The following FAR2 variants were observed in gnomAD, a reference collection of about 807,000 sequenced individuals.
The protein encoded by FAR2 is fatty acyl-CoA reductase 2.
In FAR2, 19 loss-of-function variants were observed where a neutral mutation model predicts 56.0. The ratio of observed to expected loss-of-function variants is 0.34; its 90% CI spans 0.24 to 0.50. FAR2 has a LOEUF of 0.50. Ranked by LOEUF, FAR2 falls within the 20% of genes least tolerant of loss-of-function variation. The pLI is 0.98. For synonymous variants in FAR2, 219 were observed against 218.8 expected, an observed-to-expected ratio of 1.00 and a Z score of -0.01; for missense variants, 508 against 642.2, an observed-to-expected ratio of 0.79 and a Z score of 2.26.
At chr12:29,265,907 T>C (rs1591909093) in intron 1 of FAR2, among the ~76,000 whole-genome samples, 2 of 152,154 alleles carry the variant, frequency 1.3e-5, no homozygotes, top group East Asian at 3.9e-4. Context: ...AACAGGTTTA[T>C]GAAAAGGTGC....
chr12:29,271,826 T>A (rs1444731119), intron 2 of FAR2, among the ~76,000 whole-genome samples: 1 of 152,198 alleles, frequency 6.6e-6, no homozygotes, highest in African/African-American at 2.4e-5. Context: ...GCAATAACCC[T>A]GTGAAGTAAG....
intron 1 of FAR2, among the ~76,000 whole-genome samples, chr12:29,208,089 G>C (rs926810241): frequency 6.6e-6 from 1 of 152,210 alleles, no homozygotes; most frequent in Non-Finnish European, 1.5e-5. Context: ...GTCAGTTTGT[G>C]TATTAGTATT....
chr12:29,290,567 C>T (rs1385696191), intron 2 of FAR2, among the ~76,000 whole-genome samples: 1 of 152,146 alleles, frequency 6.6e-6, no homozygotes, highest in South Asian at 2.1e-4. Flanking sequence ...TGTTGCAGTA[C>T]TGCTCACACT....
At chr12:29,318,453 G>A (rs1429732202) in intron 9 of FAR2, among the ~76,000 whole-genome samples, 1 of 152,194 alleles carries the variant, frequency 6.6e-6, no homozygotes, top group East Asian at 1.9e-4. Flanking sequence ...GAGAAACACA[G>A]AAGGAAGAGA....
chr12:29,240,128 C>T (rs1341847966), intron 1 of FAR2, among the ~76,000 whole-genome samples: 1 of 152,198 alleles, frequency 6.6e-6, no homozygotes, highest in Non-Finnish European at 1.5e-5. Context: ...CTGTCGACAG[C>T]GTGGCTCATA....
rs867222542 is a variant in FAR2, at chr12:29,243,039, G to A, written c.-38-27373G>A. ...CATTTTAGCAGAGACTCAAAGGCAC[G>A]CAGGAGAGTGGGAAAGCATTATAGT... On this transcript the variant is annotated intron_variant, in intron 1 of 11. Coordinates refer to ENST00000536681, the MANE Select transcript of FAR2 (RefSeq NM_001271783.2). Among the ~76,000 whole-genome samples, 8 of 152,320 alleles carry A rather than the reference G, an allele frequency of 5.3e-5. No homozygotes were observed. In the South Asian group the frequency reaches 8.3e-4, roughly 16 times the overall value.
intron 8 of FAR2, among the ~76,000 whole-genome samples, chr12:29,314,077 T>A (rs1049779731): frequency 6.6e-6 from 1 of 152,226 alleles, no homozygotes; most frequent in Non-Finnish European, 1.5e-5. Context: ...TTAAGCATTT[T>A]TCATTTAAAT....
chr12:29,325,748 G>A (rs1280269377), intron 10 of FAR2, among the ~76,000 whole-genome samples: 1 of 151,984 alleles, frequency 6.6e-6, no homozygotes, highest in Non-Finnish European at 1.5e-5. Context: ...CACATTCAAA[G>A]CAGTGTGTAG....
intron 1 of FAR2, among the ~76,000 whole-genome samples, chr12:29,213,925 C>A (rs926621321): frequency 6.6e-6 from 1 of 152,004 alleles, no homozygotes; most frequent in African/African-American, 2.4e-5. Flanking sequence ...TGATTAGAAC[C>A]AATAATTTGT....
intron 1 of FAR2, among the ~76,000 whole-genome samples, chr12:29,189,716 A>G (rs1264439937): frequency 2.0e-5 from 3 of 152,256 alleles, no homozygotes; most frequent in Non-Finnish European, 4.4e-5. Flanking sequence ...GTACTAATAC[A>G]CTGCCACAGG....
At chr12:29,254,238 G>A (rs1355512101) in intron 1 of FAR2, among the ~76,000 whole-genome samples, 3 of 152,132 alleles carry the variant, frequency 2.0e-5, no homozygotes, top group Non-Finnish European at 4.4e-5. Flanking sequence ...ACAGTGAAAA[G>A]TACCTAAGTT....
chr12:29,281,645 A>G (rs1948785000), intron 2 of FAR2: 1 of 152,152 alleles, frequency 6.6e-6, no homozygotes, highest in Non-Finnish European at 1.5e-5. Flanking sequence ...TGGTTCATGC[A>G]CACAATGTGA....
chr12:29,272,359 G>A (rs181917729), intron 2 of FAR2, among the ~76,000 whole-genome samples: 90 of 151,902 alleles, frequency 5.9e-4, no homozygotes, highest in African/African-American at 1.9e-3. Context: ...TATTCTTGTC[G>A]GCATCTTATT....
chr12:29,308,959 A>G lies in FAR2; in HGVS notation c.724-227A>G, dbSNP rs114121556. On this transcript the variant is annotated intron_variant, in intron 5 of 11. Transcript: ENST00000536681. ...AAACCATTCATGATTCCTGCTAAGA[A>G]AAACAATCCTGGCAAAATTCTAATT... Among the ~76,000 whole-genome samples, 1,222 of 152,210 alleles carry G rather than the reference A, an allele frequency of 8.0e-3. 9 individuals are homozygous for G. The highest frequency in any genetic ancestry group is 0.028 in the African/African-American group (1,160 of 41,522).
At chr12:29,280,748 G>GAC (rs1948772493) in intron 2 of FAR2, 1 of 152,206 alleles carries the variant, frequency 6.6e-6, no homozygotes, top group Non-Finnish European at 1.5e-5. Flanking sequence ...CTCTCTGGAT[G>GAC]ACAATAAAAA....
At chr12:29,198,504 G>A (rs1478572851) in intron 1 of FAR2, among the ~76,000 whole-genome samples, 3 of 152,270 alleles carry the variant, frequency 2.0e-5, no homozygotes, top group Admixed American at 6.5e-5. Flanking sequence ...TGGGATATCA[G>A]GTGTGAGCCA....
chr12:29,233,494 A>C (rs1254792812), intron 1 of FAR2, among the ~76,000 whole-genome samples: 1 of 152,172 alleles, frequency 6.6e-6, no homozygotes, highest in Non-Finnish European at 1.5e-5. Flanking sequence ...CAAGAAATCT[A>C]TCCAGAGCTC....
chr12:29,317,085 C>G (rs1327948780), intron 9 of FAR2, 73 bp downstream of exon 9: 1 of 1,458,938 alleles, frequency 6.9e-7, no homozygotes, highest in Non-Finnish European at 9.2e-7. Context: ...TTTAGTGCTT[C>G]CTTCAGCCGA....
chr12:29,256,942 T>C (rs1012733842), intron 1 of FAR2, among the ~76,000 whole-genome samples: 2 of 152,158 alleles, frequency 1.3e-5, no homozygotes, highest in Admixed American at 6.5e-5. Context: ...CGTGGTCTCC[T>C]GTGGGGCCCC....
Sources: gnomAD v4.1 joint callset for allele counts (sites outside exome capture counted in the v4.1 genomes callset) on GRCh38, gnomAD v4.1.1 for gene constraint, MANE v1.5 for transcripts, NCBI Gene and HGNC (gene_info 2026-07-23, HGNC 2026-07-21) for gene names.